Variants in EBF1 observed in about 807,000 individuals in gnomAD.
EBF1 encodes the protein transcription factor COE1.
In EBF1, 10 loss-of-function variants were observed where a neutral mutation model predicts 68.4. The observed-to-expected ratio is 0.15, with a 90% CI of 0.09 to 0.25. The LOEUF (loss-of-function observed/expected upper bound fraction) is 0.25. Ranked by LOEUF, EBF1 falls within the 10% of genes least tolerant of loss-of-function variation. The pLI, the probability that EBF1 is intolerant of heterozygous loss-of-function variation, is 1.00. For synonymous variants in EBF1, 298 were observed against 299.8 expected (o/e 0.99, Z 0.06); for missense variants, 509 against 794.4 (o/e 0.64, Z 4.32).
In EBF1 at chr5:158,730,417, G is replaced by T. The variant is rs1360433044; in HGVS notation, c.1125+652C>A. Among the ~76,000 whole-genome samples, 4 of 152,336 alleles carry T rather than the reference G, an allele frequency of 2.6e-5. No individual in the cohort carries two copies. The East Asian group carries it at 7.7e-4, about 29-fold the overall frequency. ...CAACAGGTATGCAATAGTCAATAAA[G>T]GTCAGTTTCCTTCTTTCTGCACTGG... On this transcript the variant is annotated intron_variant, in intron 11 of 15. Transcript: ENST00000313708.
At position 159,062,344 on chromosome 5, in the gene EBF1, G is replaced by A. The variant is rs78142439; in HGVS notation, c.554+11052C>T. Among the ~76,000 whole-genome samples, 1,495 of 152,250 alleles carry A rather than the reference G, an allele frequency of 9.8e-3. 14 individuals carry two copies. Among genetic ancestry groups the A allele is most frequent in the Non-Finnish European group, 0.016 (1,070 of 68,010 alleles). ...GCCTGATTGGATTTTGTGTCCTAAG[G>A]ACAGAAGGCAAGCTCCCGTCTGCCC... On this transcript the variant is annotated intron_variant, in intron 6 of 15. Coordinates refer to ENST00000313708, the MANE Select transcript of EBF1 (RefSeq NM_024007.5).
At chr5:158,974,026 C>T (rs1024329889) in intron 6 of EBF1, among the ~76,000 whole-genome samples, 3 of 152,202 alleles carry the variant, frequency 2.0e-5, no homozygotes, top group African/African-American at 4.8e-5. Flanking sequence ...TTCATTCATG[C>T]CTCCATTGTA....
intron 6 of EBF1, among the ~76,000 whole-genome samples, chr5:158,889,724 G>A (rs762912213): frequency 1.3e-5 from 2 of 152,182 alleles, no homozygotes; most frequent in Admixed American, 6.5e-5. Flanking sequence ...TGAAGTCATG[G>A]AATGAGCTAC....
chr5:158,758,054 C>T (rs1241465097), intron 10 of EBF1, among the ~76,000 whole-genome samples: 1 of 152,192 alleles, frequency 6.6e-6, no homozygotes, highest in Non-Finnish European at 1.5e-5. Flanking sequence ...CACCTTTTAT[C>T]ATGTGCCAAG....
At chr5:158,717,167 G>C (rs965330548) in intron 11 of EBF1, among the ~76,000 whole-genome samples, 1 of 152,166 alleles carries the variant, frequency 6.6e-6, no homozygotes, top group African/African-American at 2.4e-5. Context: ...AAAAATGACA[G>C]GTAGTATAAA....
intron 9 of EBF1, among the ~76,000 whole-genome samples, chr5:158,782,600 G>T (rs1259401804): frequency 6.6e-6 from 1 of 152,136 alleles, no homozygotes; most frequent in Non-Finnish European, 1.5e-5. Flanking sequence ...AGTCGAGGTT[G>T]CAGTAAGTCG....
At chr5:158,775,646 T>C (rs1774969197) in intron 10 of EBF1, among the ~76,000 whole-genome samples, 1 of 151,942 alleles carries the variant, frequency 6.6e-6, no homozygotes, top group Admixed American at 6.6e-5. Flanking sequence ...GGGGGAACAT[T>C]GTGAAAAACT....
intron 1 of EBF1, among the ~76,000 whole-genome samples, chr5:159,097,830 G>A (rs575282550): frequency 6.6e-6 from 1 of 152,368 alleles, no homozygotes; most frequent in Non-Finnish European, 1.5e-5. Flanking sequence ...CTAAAGGCCA[G>A]GGCTGCTGGC....
At chr5:158,968,390 C>T (rs956563776) in intron 6 of EBF1, among the ~76,000 whole-genome samples, 4 of 152,172 alleles carry the variant, frequency 2.6e-5, no homozygotes, top group Non-Finnish European at 5.9e-5. Context: ...CCTAACACTG[C>T]CACTGCCGGC....
rs756448619 is a variant in EBF1 at position 158,712,312 on chromosome 5, C to G, written c.1391G>C (p.Ser464Thr). ...TNQGFTRNSS[S>T]VSPHGYVPST... ...CGGCACGTACCCGTGTGGTGATACG[C>G]TGCTTGAGTTGCGGGTGAAACCTGA... The change falls in exon 14 of 16, where the codon AGC (serine) becomes ACC (threonine). Residue 464 changes from serine to threonine, a missense_variant. Transcript: ENST00000313708. 4 of 1,613,854 alleles carry G rather than the reference C, an allele frequency of 2.5e-6. No individual in the cohort carries two copies. The African/African-American group carries it at 5.3e-5, about 22-fold the overall frequency.
chr5:158,823,077 A>AT (rs2127858259), intron 8 of EBF1, 99 bp downstream of exon 8: 2 of 1,548,842 alleles, frequency 1.3e-6, no homozygotes, highest in East Asian at 4.5e-5. Context: ...GACTTTTGAA[A>AT]TTTGAAACAG....
intron 8 of EBF1, among the ~76,000 whole-genome samples, chr5:158,818,161 C>T (rs1022474351): frequency 6.6e-6 from 1 of 152,152 alleles, no homozygotes; most frequent in Admixed American, 6.5e-5. Flanking sequence ...AGCCAGAGAG[C>T]CTGATCCTCC....
At chr5:158,833,236 T>A (rs1037894568) in intron 7 of EBF1, among the ~76,000 whole-genome samples, 1 of 150,636 alleles carries the variant, frequency 6.6e-6, no homozygotes, top group Non-Finnish European at 1.5e-5. Context: ...AACCCAGAGG[T>A]TGCAGTGAGC....
At chr5:159,003,516 A>G (rs883540) in intron 6 of EBF1, among the ~76,000 whole-genome samples, 21,875 of 152,164 alleles carry the variant, frequency 0.14, 1,682 homozygotes, top group African/African-American at 0.18. Flanking sequence ...TCTGATTGTA[A>G]TAGAAGGTGA....
At chr5:159,012,937 C>A (rs1042588741) in intron 6 of EBF1, among the ~76,000 whole-genome samples, 1 of 152,124 alleles carries the variant, frequency 6.6e-6, no homozygotes, top group Non-Finnish European at 1.5e-5. Context: ...TGCAAAGGCA[C>A]TGGAAGAAGA....
intron 10 of EBF1, among the ~76,000 whole-genome samples, chr5:158,756,245 C>T (rs957769242): frequency 6.6e-6 from 1 of 152,032 alleles, no homozygotes; most frequent in Admixed American, 6.6e-5. Context: ...TTTTGGCTGC[C>T]TTCTGACCAA....
intron 9 of EBF1, among the ~76,000 whole-genome samples, chr5:158,785,559 G>T (rs1777259387): frequency 6.6e-6 from 1 of 152,128 alleles, no homozygotes; most frequent in South Asian, 2.1e-4. Flanking sequence ...AGCAGTGTAT[G>T]ATTTCTCAGA....
At chr5:158,822,396 T>G (rs1220030628) in intron 8 of EBF1, among the ~76,000 whole-genome samples, 1 of 152,068 alleles carries the variant, frequency 6.6e-6, no homozygotes, top group Non-Finnish European at 1.5e-5. Flanking sequence ...CACACACACA[T>G]GCAGCACTGA....
At chr5:158,726,319 C>T (rs1405952560) in intron 11 of EBF1, among the ~76,000 whole-genome samples, 1 of 152,074 alleles carries the variant, frequency 6.6e-6, no homozygotes, top group Non-Finnish European at 1.5e-5. Context: ...ATACATGCTT[C>T]ATAAAAGATG....
Sources: allele counts gnomAD v4.1 joint callset (sites outside exome capture counted in the v4.1 genomes callset), GRCh38; gene constraint gnomAD v4.1.1; transcripts MANE v1.5; gene names NCBI Gene and HGNC (gene_info 2026-07-23, HGNC 2026-07-21).